The following COMMD6 variants were observed in gnomAD, a reference collection of about 807,000 sequenced individuals.
COMMD6 encodes COMM domain-containing protein 6.
Under a neutral mutation model 13.4 loss-of-function variants are expected in COMMD6, and 11 were observed. The ratio of observed to expected loss-of-function variants is 0.82; its 90% CI spans 0.52 to 1.36. The LOEUF (loss-of-function observed/expected upper bound fraction) is 1.36. Among genes scored for constraint, COMMD6 ranks in the 40% most tolerant of loss-of-function variants. The probability of loss-of-function intolerance (pLI) is 0.00; values close to 1 mark genes in which losing one functional copy is unlikely to be tolerated. For synonymous variants in COMMD6, 43 were observed against 36.5 expected, an observed-to-expected ratio of 1.18 and a Z score of -0.64; for missense variants, 124 against 102.4, an observed-to-expected ratio of 1.21 and a Z score of -0.91.
intron 2 of COMMD6, among the ~76,000 whole-genome samples, chr13:75,531,593 C>T (rs1363411420): frequency 6.6e-6 from 1 of 152,114 alleles, no homozygotes; most frequent in African/African-American, 2.4e-5. Context: ...AAAATAACTA[C>T]AAATTTCTAA....
intron 2 of COMMD6, among the ~76,000 whole-genome samples, chr13:75,532,294 T>A: frequency 6.6e-6 from 1 of 152,340 alleles, no homozygotes; most frequent in East Asian, 1.9e-4. Context: ...GAGAGAGCAA[T>A]GTAAGTCAGT....
intron 1 of COMMD6, among the ~76,000 whole-genome samples, chr13:75,547,356 C>T (rs766935654): frequency 6.6e-6 from 1 of 152,132 alleles, no homozygotes; most frequent in Non-Finnish European, 1.5e-5. Flanking sequence ...GTGACCACGA[C>T]AACTTTGTGA....
chr13:75,542,350 T>C (rs9543970), upstream of COMMD6, among the ~76,000 whole-genome samples: 52,018 of 149,572 alleles, frequency 0.35, 9,469 homozygotes, highest in South Asian at 0.54. Context: ...AGTGCAATGG[T>C]GCGTTCTCAG....
At chr13:75,538,662 T>G (rs1473886431), upstream of COMMD6, 1 of 152,210 alleles carries the variant, frequency 6.6e-6, no homozygotes, top group Non-Finnish European at 1.5e-5. Flanking sequence ...TTCAGGAAAT[T>G]TAATATTGAT....
chr13:75,533,915 A>C (rs2030577931), intron 2 of COMMD6, among the ~76,000 whole-genome samples: 1 of 152,154 alleles, frequency 6.6e-6, no homozygotes, highest in Non-Finnish European at 1.5e-5. Context: ...ATGAGTAGAG[A>C]GAGTTTTAAT....
chr13:75,535,723 G>A (rs1269527293), intron 2 of COMMD6, among the ~76,000 whole-genome samples: 1 of 152,210 alleles, frequency 6.6e-6, no homozygotes, highest in Non-Finnish European at 1.5e-5. Flanking sequence ...GATCCAAGAG[G>A]AGTTGTTGAT....
chr13:75,529,653 C>T (rs9573577), intron 3 of COMMD6: 13,761 of 152,316 alleles, frequency 0.09, 882 homozygotes, highest in East Asian at 0.25. Context: ...TACTGAGTTA[C>T]TTAAGTCCCT....
In COMMD6 at chr13:75,548,961, C is replaced by T. The variant is rs1407524255; in HGVS notation, n.106+362G>A. ...CTGCAGCCACAGTGCGTTTTCCCTTCTTCACAGCACCTTCCTCTCTGCCTA... is the reference window on the plus strand; with the variant it reads ...CTGCAGCCACAGTGCGTTTTCCCTTTTTCACAGCACCTTCCTCTCTGCCTA... On this transcript the variant is annotated intron_variant and non_coding_transcript_variant, in intron 1 of 2. Transcript: ENST00000460675. Among the ~76,000 whole-genome samples, 9 of 152,196 alleles carry T rather than the reference C, an allele frequency of 5.9e-5. No individual in the cohort carries two copies. In the East Asian group the frequency reaches 1.5e-3, roughly 26 times the overall value.
At chr13:75,540,874 A>G (rs1157282999), upstream of COMMD6, among the ~76,000 whole-genome samples, 1 of 152,220 alleles carries the variant, frequency 6.6e-6, no homozygotes, top group African/African-American at 2.4e-5. Flanking sequence ...CATGAGCATT[A>G]TGGTGTAATG....
upstream of COMMD6, among the ~76,000 whole-genome samples, chr13:75,540,170 C>T (rs1433671799): frequency 6.6e-6 from 1 of 151,762 alleles, no homozygotes. Flanking sequence ...GGGGTTTCAA[C>T]GTGTTGCCCA....
chr13:75,533,643 A>C (rs2138418804), intron 2 of COMMD6, among the ~76,000 whole-genome samples: 1 of 152,130 alleles, frequency 6.6e-6, no homozygotes, highest in Non-Finnish European at 1.5e-5. Context: ...TCCAAGTCTG[A>C]AGTTATGTAA....
At chr13:75,543,494 G>A (rs1053971936), upstream of COMMD6, among the ~76,000 whole-genome samples, 1 of 152,196 alleles carries the variant, frequency 6.6e-6, no homozygotes, top group Non-Finnish European at 1.5e-5. Context: ...ACAAATTTGT[G>A]TTGTTTTAAG....
chr13:75,545,973 A>G (rs970143735), intron 1 of COMMD6, among the ~76,000 whole-genome samples: 1 of 152,194 alleles, frequency 6.6e-6, no homozygotes, highest in Non-Finnish European at 1.5e-5. Flanking sequence ...CATTTTAAAA[A>G]TAACTTAAGG....
intron 1 of COMMD6, among the ~76,000 whole-genome samples, chr13:75,546,401 T>G (rs1485383086): frequency 3.3e-5 from 5 of 152,214 alleles, no homozygotes; most frequent in Non-Finnish European, 7.3e-5. Flanking sequence ...TTATTTCAGT[T>G]TAAGGTTGGA....
At chr13:75,542,437 G>A (rs1246206363), upstream of COMMD6, among the ~76,000 whole-genome samples, 1 of 152,022 alleles carries the variant, frequency 6.6e-6, no homozygotes, top group Non-Finnish European at 1.5e-5. Context: ...TTACAGGCAT[G>A]CGCCACCATG....
At chr13:75,527,768 T>G in intron 3 of COMMD6, 2 of 1,397,698 alleles carry the variant, frequency 1.4e-6, no homozygotes, top group Non-Finnish European at 1.9e-6. Context: ...AGGCTAATAC[T>G]GCGTGATCTC....
intron 1 of COMMD6, among the ~76,000 whole-genome samples, chr13:75,546,509 A>G (rs770003223): frequency 1.3e-5 from 2 of 152,312 alleles, no homozygotes; most frequent in Middle Eastern, 3.4e-3. Flanking sequence ...ATCAAACATT[A>G]ATTTGTCAAA....
chr13:75,539,425 A>T (rs999651167), upstream of COMMD6, among the ~76,000 whole-genome samples: 1 of 152,084 alleles, frequency 6.6e-6, no homozygotes, highest in African/African-American at 2.4e-5. Context: ...TTTTTAGTAG[A>T]GATGGGGTCT....
At chr13:75,538,615 G>A (rs1045440427), upstream of COMMD6, 1 of 152,088 alleles carries the variant, frequency 6.6e-6, no homozygotes, top group East Asian at 1.9e-4. Context: ...CTAAGAACTA[G>A]GGCATTCTTC....
Sources: allele counts gnomAD v4.1 joint callset (sites outside exome capture counted in the v4.1 genomes callset), GRCh38; gene constraint gnomAD v4.1.1; transcripts MANE v1.5; gene names NCBI Gene and HGNC (gene_info 2026-07-23, HGNC 2026-07-21).